ZFAND3: variants seen among roughly 807,000 people sequenced by gnomAD.
ZFAND3 encodes AN1-type zinc finger protein 3.
Under a neutral mutation model 29.6 loss-of-function variants are expected in ZFAND3, and 10 were observed. The ratio of observed to expected loss-of-function variants is 0.34; its 90% CI spans 0.21 to 0.57. The LOEUF (loss-of-function observed/expected upper bound fraction) is 0.57, where lower values mean the gene tolerates loss of function less well. ZFAND3 is among the 20% of genes least tolerant of loss of function. The pLI is 0.86. For synonymous variants in ZFAND3, 128 were observed against 112.6 expected (o/e 1.14, Z -0.87); for missense variants, 230 against 304.5 (o/e 0.76, Z 1.82).
chr6:38,087,961 A>G (rs867497029), intron 4 of ZFAND3, among the ~76,000 whole-genome samples: 5 of 152,246 alleles, frequency 3.3e-5, no homozygotes, highest in Non-Finnish European at 5.9e-5. Context: ...GGTTACTGGA[A>G]GTTTATATGA....
chr6:37,903,055 A>G (rs1053040245), intron 1 of ZFAND3, among the ~76,000 whole-genome samples: 7 of 152,206 alleles, frequency 4.6e-5, no homozygotes, highest in African/African-American at 1.7e-4. Flanking sequence ...ACACTTCTCT[A>G]AAAAGTATTC....
intron 1 of ZFAND3, among the ~76,000 whole-genome samples, chr6:37,827,598 G>A (rs983473531): frequency 6.6e-6 from 1 of 152,234 alleles, no homozygotes; most frequent in Non-Finnish European, 1.5e-5. Flanking sequence ...TCCAGCAGTA[G>A]TGGACAAAAC....
intron 2 of ZFAND3, among the ~76,000 whole-genome samples, chr6:38,033,383 T>C (rs185515317): frequency 2.0e-4 from 31 of 152,294 alleles, no homozygotes; most frequent in Admixed American, 8.5e-4. Context: ...TTGAAATGTT[T>C]CTCTAGCTAG....
At chr6:37,842,045 G>T (rs1035650978) in intron 1 of ZFAND3, among the ~76,000 whole-genome samples, 2 of 152,170 alleles carry the variant, frequency 1.3e-5, no homozygotes, top group African/African-American at 2.4e-5. Flanking sequence ...TGTGGCGGAA[G>T]GGTCTAAGGT....
chr6:38,080,102 A>G (rs771798597), intron 3 of ZFAND3, among the ~76,000 whole-genome samples: 3 of 151,646 alleles, frequency 2.0e-5, no homozygotes, highest in Non-Finnish European at 4.4e-5. Flanking sequence ...TGGGAGTTGA[A>G]CAATGAAAAC....
At position 37,965,163 on chromosome 6, in the gene ZFAND3, TTTA is replaced by T. The variant is rs533455026; in HGVS notation, c.112+35172_112+35174del. On this transcript the variant is annotated intron_variant, in intron 2 of 5. Coordinates refer to ENST00000287218, the MANE Select transcript of ZFAND3 (RefSeq NM_021943.3). ...TAAAGACATAAAATATGTCCTGATT[TTTA>T]TTATTATATTCAGCAAACTTATTCT... is the stretch of plus-strand genomic sequence containing the variant. 2.8e-3 allele frequency among the ~76,000 whole-genome samples: 428 copies of T among 152,340 alleles called. 2 individuals carry two copies. The highest frequency in any genetic ancestry group is 9.8e-3 in the African/African-American group (406 of 41,580).
At chr6:38,112,596 G>A (rs1450689654) in intron 4 of ZFAND3, among the ~76,000 whole-genome samples, 2 of 152,210 alleles carry the variant, frequency 1.3e-5, no homozygotes, top group African/African-American at 4.8e-5. Flanking sequence ...GTGAGTAAAA[G>A]TAAATCATTA....
intron 2 of ZFAND3, among the ~76,000 whole-genome samples, chr6:38,016,726 A>G (rs975163213): frequency 2.6e-5 from 4 of 152,088 alleles, no homozygotes; most frequent in Non-Finnish European, 4.4e-5. Flanking sequence ...ATGAAAGTAT[A>G]TTTTCCTGGA....
At chr6:38,081,409 A>G (rs911426943) in intron 3 of ZFAND3, among the ~76,000 whole-genome samples, 132 of 152,204 alleles carry the variant, frequency 8.7e-4, no homozygotes, top group African/African-American at 2.4e-3. Context: ...TCTCGGCACT[A>G]TACACTCTAG....
intron 2 of ZFAND3, among the ~76,000 whole-genome samples, chr6:37,966,140 A>G (rs1762288723): frequency 1.3e-5 from 2 of 152,216 alleles, no homozygotes; most frequent in Non-Finnish European, 2.9e-5. Flanking sequence ...GGAATGAATC[A>G]TAGAAGAGGT....
At chr6:37,925,021 A>T (rs1339743343) in intron 1 of ZFAND3, among the ~76,000 whole-genome samples, 1 of 152,038 alleles carries the variant, frequency 6.6e-6, no homozygotes, top group African/African-American at 2.4e-5. Flanking sequence ...GGGCAGAATG[A>T]TAAGAGAGCA....
intron 4 of ZFAND3, among the ~76,000 whole-genome samples, chr6:38,103,424 C>A (rs1043888162): frequency 7.2e-6 from 1 of 138,358 alleles, no homozygotes; most frequent in Non-Finnish European, 1.5e-5. Context: ...TATATACACA[C>A]ACATATATAT....
chr6:38,068,329 G>GT (rs750101338), intron 3 of ZFAND3, among the ~76,000 whole-genome samples: 2 of 152,176 alleles, frequency 1.3e-5, no homozygotes, highest in Non-Finnish European at 2.9e-5. Flanking sequence ...CAAATTCAGT[G>GT]TTTATAAGTA....
At chr6:38,102,280 C>T (rs185062114) in intron 4 of ZFAND3, among the ~76,000 whole-genome samples, 7 of 152,214 alleles carry the variant, frequency 4.6e-5, no homozygotes, top group Non-Finnish European at 4.4e-5. Flanking sequence ...GAAACACTCA[C>T]GAGTAGGGTA....
intron 1 of ZFAND3, among the ~76,000 whole-genome samples, chr6:37,906,139 C>T (rs1221340450): frequency 6.6e-6 from 1 of 152,068 alleles, no homozygotes; most frequent in East Asian, 1.9e-4. Flanking sequence ...TCATCACTGT[C>T]TAGTTTGAGA....
intron 1 of ZFAND3, among the ~76,000 whole-genome samples, chr6:37,923,069 C>A (rs935400027): frequency 2.2e-4 from 34 of 152,142 alleles, no homozygotes; most frequent in Admixed American, 2.2e-3. Context: ...AACACAAACA[C>A]ATTGTATAGT....
rs574413946 is a variant in ZFAND3 at position 37,924,789 on chromosome 6, T to C, written c.72-5170T>C. The stretch of plus-strand genomic sequence containing the variant: ...TGAGCTATGATTGGGCACTCTGGTC[T>C]GGGCAACAGAATGAGACCCAGTCTC... On this transcript the variant is annotated intron_variant, in intron 1 of 5. Transcript: ENST00000287218. Among the ~76,000 whole-genome samples the C allele has an allele frequency of 3.9e-5, 6 of 151,976 alleles. No individual in the cohort carries two copies. In the East Asian group the frequency reaches 1.2e-3, roughly 29 times the overall value.
chr6:37,858,227 C>T (rs188881585), intron 1 of ZFAND3, among the ~76,000 whole-genome samples: 1 of 152,208 alleles, frequency 6.6e-6, no homozygotes, highest in East Asian at 1.9e-4. Flanking sequence ...TTCAGCCTGG[C>T]ACAATCAGAA....
At chr6:38,138,080 G>A (rs1044125839) in intron 5 of ZFAND3, among the ~76,000 whole-genome samples, 5 of 152,136 alleles carry the variant, frequency 3.3e-5, no homozygotes, top group Non-Finnish European at 7.3e-5. Flanking sequence ...GGGACGCGGA[G>A]GTGGGAGTAT....
Sources: gnomAD v4.1 joint callset for allele counts (sites outside exome capture counted in the v4.1 genomes callset) on GRCh38, gnomAD v4.1.1 for gene constraint, MANE v1.5 for transcripts, NCBI Gene and HGNC (gene_info 2026-07-23, HGNC 2026-07-21) for gene names.